The following SHROOM2 variants were observed in gnomAD, a reference collection of about 807,000 sequenced individuals.
SHROOM2 encodes the protein shroom family member 2.
SHROOM2 carries 33 observed loss-of-function variants against 75.9 expected under a neutral mutation model. The observed-to-expected ratio is 0.43, with a 90% CI of 0.33 to 0.58. The LOEUF (loss-of-function observed/expected upper bound fraction) is 0.58. SHROOM2 is among the 20% of genes least tolerant of loss of function. SHROOM2 has a pLI of 0.04. For synonymous variants in SHROOM2, 655 were observed against 663.6 expected, an observed-to-expected ratio of 0.99 and a Z score of 0.20; for missense variants, 1,434 against 1,461.2, an observed-to-expected ratio of 0.98 and a Z score of 0.30.
rs753202719 is a variant in SHROOM2, at chrX:9,896,200, G to A, written c.2292G>A (p.Ser764=). The A allele has an allele frequency of 4.8e-5, 58 of 1,210,163 alleles. No homozygotes were observed. The Admixed American group carries it at 9.1e-4, about 19-fold the overall frequency. The change falls in exon 4 of 10, where the codon TCG becomes TCA. Residue 764 remains serine (S), a synonymous_variant. Transcript: ENST00000380913. The part of the protein sequence containing the change: ...FTAEQKLKSY[S]EPEKMNEVGL... Reference sequence around the variant, plus strand: ...CTGAGCAGAAATTGAAGTCCTACTCGGAACCTGAGAAGATGAACGAGGTGG... The same window carrying A: ...CTGAGCAGAAATTGAAGTCCTACTCAGAACCTGAGAAGATGAACGAGGTGG...
Position 9,898,232 on chromosome X carries a change from G to A in SHROOM2, c.2833G>A (p.Glu945Lys), listed in dbSNP as rs775601244. Residue 945 changes from glutamate (E) to lysine (K), a missense_variant, in exon 5 of 10, where the codon GAG (glutamate) becomes AAG (lysine). Transcript: ENST00000380913. ...GCGAAGGCAGGCAGGGGACCCCGGC[G>A]AGCCCAGAGAAGAGCTTCCCTCCGC... ...ELRRQAGDPG[E>K]PREELPSAVR... 25 of 1,186,996 alleles carry A rather than the reference G, an allele frequency of 2.1e-5. No individual in the cohort carries two copies. Among genetic ancestry groups the A allele is most frequent in the Non-Finnish European group, 1.6e-5 (14 of 883,594 alleles).
At chrX:9,808,784 C>T (rs918346589) in intron 1 of SHROOM2, among the ~76,000 whole-genome samples, 1 of 110,333 alleles carries the variant, frequency 9.1e-6, no homozygotes. Context: ...ATCGCTTGAA[C>T]CTGGGAAGCG....
chrX:9,943,537 C>T (rs2084790442), intron 8 of SHROOM2, among the ~76,000 whole-genome samples: 1 of 111,480 alleles, frequency 9.0e-6, no homozygotes, highest in African/African-American at 3.3e-5. Context: ...ATTTAGAAGG[C>T]TGGTGGGAAA....
intron 1 of SHROOM2, among the ~76,000 whole-genome samples, chrX:9,846,644 G>A (rs1452323524): frequency 8.9e-6 from 1 of 111,880 alleles, no homozygotes; most frequent in Non-Finnish European, 1.9e-5. Flanking sequence ...TGCCCAGGCC[G>A]CTCTCGAACT....
intron 1 of SHROOM2, among the ~76,000 whole-genome samples, chrX:9,864,516 T>A (rs1374072941): frequency 9.0e-6 from 1 of 110,923 alleles, no homozygotes; most frequent in African/African-American, 3.3e-5. Context: ...ACCTCGTCTC[T>A]ACAAAAAATA....
chrX:9,885,776 G>A (rs889647267), intron 2 of SHROOM2, among the ~76,000 whole-genome samples: 13 of 109,782 alleles, frequency 1.2e-4, no homozygotes, highest in African/African-American at 3.0e-4. Flanking sequence ...GCAACATAAC[G>A]ATACCCCATC....
intron 1 of SHROOM2, among the ~76,000 whole-genome samples, chrX:9,806,268 C>T (rs1024778448): frequency 1.8e-5 from 2 of 110,850 alleles, no homozygotes; most frequent in Non-Finnish European, 3.8e-5. Context: ...TTCACTCGCA[C>T]AGCAGGCACA....
chrX:9,850,831 CAAAAAAA>C (rs757769302), intron 1 of SHROOM2, among the ~76,000 whole-genome samples: 2 of 76,282 alleles, frequency 2.6e-5, no homozygotes, highest in East Asian at 8.7e-4. Context: ...GACTCTGTGT[CAAAAAAA>C]AAAAAAAAAG....
At chrX:9,877,689 C>A (rs2084208485) in intron 2 of SHROOM2, among the ~76,000 whole-genome samples, 1 of 112,290 alleles carries the variant, frequency 8.9e-6, no homozygotes, top group Non-Finnish European at 1.9e-5. Flanking sequence ...GCATTAGCAG[C>A]GGATCTACCG....
In SHROOM2 at chrX:9,920,969, G is replaced by T. The variant is rs952357771; in HGVS notation, c.2892-11206G>T. On this transcript the variant is annotated intron_variant, in intron 5 of 9. Coordinates refer to ENST00000380913, the MANE Select transcript of SHROOM2 (RefSeq NM_001649.4). ...TTATTATCTCATACACTTTCTGAGG[G>T]TTAGGGAGGAGATTAGCTGGGTTAT... Among the ~76,000 whole-genome samples the T allele has an allele frequency of 2.7e-5, 3 of 112,390 alleles. No homozygotes were observed. The East Asian group carries it at 8.3e-4, about 31-fold the overall frequency.
rs2084620937 is a variant in SHROOM2 at position 9,928,893 on chromosome X, C to T, written c.2892-3282C>T. Among the ~76,000 whole-genome samples, 4 of 112,526 alleles carry T rather than the reference C, an allele frequency of 3.6e-5. No individual in the cohort carries two copies. In the South Asian group the frequency reaches 1.5e-3, roughly 41 times the overall value. ...GATATACATCTACACACATACACAG[C>T]GCAGGCACACACACAGTGTACATAT... On this transcript the variant is annotated intron_variant, in intron 5 of 9. Coordinates refer to ENST00000380913, the MANE Select transcript of SHROOM2 (RefSeq NM_001649.4).
rs769949360 is a variant in SHROOM2 at position 9,944,765 on chromosome X, T to C, written c.4436T>C (p.Val1479Ala). 3 of 1,212,271 alleles carry C rather than the reference T, an allele frequency of 2.5e-6. No homozygotes were observed. Among genetic ancestry groups the C allele is most frequent in the Non-Finnish European group, 3.3e-6 (3 of 895,607 alleles). The change falls in exon 9 of 10, where the codon GTC becomes GCC. Residue 1479 changes from valine to alanine, a missense_variant. By Grantham distance (64) the Val-to-Ala change is moderately conservative. Coordinates refer to ENST00000380913, the MANE Select transcript of SHROOM2 (RefSeq NM_001649.4). The stretch of plus-strand genomic sequence containing the variant: ...GAGGTGGAGGCCATCGTGAAAGGCG[T>C]CTGCAAGCCCAGCGAGTTTGACAAG... Reference protein sequence around the residue: ...GAEVEAIVKGVCKPSEFDKFR... With the variant: ...GAEVEAIVKGACKPSEFDKFR...
At chrX:9,819,412 G>A (rs1314737497) in intron 1 of SHROOM2, 8 of 426,042 alleles carry the variant, frequency 1.9e-5, no homozygotes, top group African/African-American at 9.9e-5. Flanking sequence ...TTGGCAATCA[G>A]ACAGGGCATC....
In SHROOM2 at chrX:9,891,068, A is replaced by G. The variant is rs61739329; in HGVS notation, c.409A>G (p.Thr137Ala). 796 of 1,203,155 alleles carry G rather than the reference A, an allele frequency of 6.6e-4. 4 individuals are homozygous for G. In the African/African-American group the frequency reaches 0.012, roughly 18 times the overall value. The change falls in exon 3 of 10, where the codon ACC (threonine) becomes GCC (alanine). Residue 137 changes from threonine (T) to alanine (A), a missense_variant. Physicochemically the swap from Thr to Ala is moderately conservative, Grantham distance 58. Coordinates refer to ENST00000380913, the MANE Select transcript of SHROOM2 (RefSeq NM_001649.4). ...PELAASPFTS[T>A]SGCPSWSGRH... ...GCTAGCGGCCTCCCCATTCACCTCC[A>G]CCAGCGGCTGTCCTTCCTGGTCCGG...
intron 5 of SHROOM2, among the ~76,000 whole-genome samples, chrX:9,928,837 GACATAC>G: frequency 8.9e-6 from 1 of 111,928 alleles, no homozygotes; most frequent in East Asian, 2.8e-4. Context: ...CAAACAACCA[GACATAC>G]ACATACAACG....
rs188668739 is a variant in SHROOM2, at chrX:9,819,895, G to A, written c.165+33185G>A. On this transcript the variant is annotated intron_variant, in intron 1 of 9. Coordinates refer to ENST00000380913, the MANE Select transcript of SHROOM2 (RefSeq NM_001649.4). ...TGCAACTTCCGCCACCTGGGTTCAAGCGATTCTCCTGCCTCAGCCTCCTGA... is the reference window on the plus strand; with the variant it reads ...TGCAACTTCCGCCACCTGGGTTCAAACGATTCTCCTGCCTCAGCCTCCTGA... Among the ~76,000 whole-genome samples the A allele has an allele frequency of 8.2e-3, 882 of 107,559 alleles. 10 individuals are homozygous for A. The highest frequency in any genetic ancestry group is 0.029 in the African/African-American group (853 of 29,390). The allele number at this position is 107,559 out of a possible 115,157, so 93.4% of individuals were successfully genotyped here.
At chrX:9,860,781 C>T (rs917701755) in intron 1 of SHROOM2, among the ~76,000 whole-genome samples, 1 of 111,576 alleles carries the variant, frequency 9.0e-6, no homozygotes, top group African/African-American at 3.3e-5. Flanking sequence ...TAGGAAGCAG[C>T]GCAAATGGAC....
intron 1 of SHROOM2, among the ~76,000 whole-genome samples, chrX:9,839,000 T>A (rs1412995028): frequency 1.8e-5 from 2 of 111,160 alleles, no homozygotes; most frequent in African/African-American, 3.3e-5. Context: ...ATTGGACCCT[T>A]TCCTTCCCTG....
intron 1 of SHROOM2, among the ~76,000 whole-genome samples, chrX:9,836,295 G>C (rs2083944453): frequency 8.9e-6 from 1 of 112,038 alleles, no homozygotes; most frequent in Non-Finnish European, 1.9e-5. Context: ...GGAACCCCTG[G>C]CAGCATAGTG....
Sources: allele counts gnomAD v4.1 joint callset (sites outside exome capture counted in the v4.1 genomes callset), GRCh38; gene constraint gnomAD v4.1.1; transcripts MANE v1.5; gene names NCBI Gene and HGNC (gene_info 2026-07-23, HGNC 2026-07-21).